Variants in DNM1L observed in about 807,000 individuals in gnomAD.
DNM1L encodes the protein dynamin 1L, also known as dynamin-1-like protein.
In DNM1L, 33 loss-of-function variants were observed where a neutral mutation model predicts 92.8. The observed-to-expected ratio is 0.36, with a 90% CI of 0.27 to 0.48. The LOEUF (loss-of-function observed/expected upper bound fraction) is 0.48, where lower values mean the gene tolerates loss of function less well. DNM1L is among the 20% of genes least tolerant of loss of function. The pLI, the probability that DNM1L is intolerant of heterozygous loss-of-function variation, is 0.99. For synonymous variants in DNM1L, 284 were observed against 305.0 expected (o/e 0.93, Z 0.72); for missense variants, 485 against 888.8 (o/e 0.55, Z 5.78).
At chr12:32,728,026 T>C (rs939291117) in intron 9 of DNM1L, 1 of 152,338 alleles carries the variant, frequency 6.6e-6, no homozygotes, top group Non-Finnish European at 1.5e-5. Flanking sequence ...GAACACCTTT[T>C]TATTTTGAAA....
At position 32,737,380 on chromosome 12, in the gene DNM1L, A is replaced by G. The variant is rs561646451; in HGVS notation, c.1596+219A>G. 3.5e-3 allele frequency: 1,831 copies of G among 523,660 alleles called. 26 individuals carry two copies. The African/African-American group carries it at 0.035, about 10-fold the overall frequency. 32.4% of individuals were successfully genotyped at this position (523,660 alleles called of 1,614,324 possible). Reference sequence around the variant, plus strand: ...GACATAAATGCTTAAAAGTAGATTTAAGCATTTATTTAAGCATTTAAGCAT... The same window carrying G: ...GACATAAATGCTTAAAAGTAGATTTGAGCATTTATTTAAGCATTTAAGCAT... On this transcript the variant is annotated intron_variant, in intron 14 of 19. Coordinates refer to ENST00000549701, the MANE Select transcript of DNM1L (RefSeq NM_012062.5).
chr12:32,705,694 A>C (rs1280262512), intron 2 of DNM1L: 1 of 826,806 alleles, frequency 1.2e-6, no homozygotes, highest in East Asian at 2.5e-5. Context: ...TTCGTCAGTA[A>C]ATTTTGAATA....
intron 13 of DNM1L, among the ~76,000 whole-genome samples, chr12:32,735,427 G>T (rs1214158383): frequency 6.6e-6 from 1 of 152,016 alleles, no homozygotes; most frequent in South Asian, 2.1e-4. Flanking sequence ...CTTTTGCTTT[G>T]TATCCCTGTT....
chr12:32,730,592 A>G (rs1160487624), intron 9 of DNM1L, among the ~76,000 whole-genome samples: 6 of 151,610 alleles, frequency 4.0e-5, no homozygotes, highest in Non-Finnish European at 7.4e-5. Flanking sequence ...TAGTTGCAGC[A>G]GAGACTGTAT....
At chr12:32,723,616 C>T (rs1367178414) in intron 9 of DNM1L, among the ~76,000 whole-genome samples, 1 of 151,160 alleles carries the variant, frequency 6.6e-6, no homozygotes, top group Non-Finnish European at 1.5e-5. Flanking sequence ...ATTGCTTGAA[C>T]CCGTGAGGCG....
intron 9 of DNM1L, chr12:32,725,501 CAG>C (rs974851477): frequency 2.6e-5 from 4 of 152,202 alleles, no homozygotes; most frequent in African/African-American, 9.6e-5. Context: ...GGTTACTTTA[CAG>C]TTAACTATGT....
At chr12:32,726,419 C>A (rs527741930) in intron 9 of DNM1L, 1 of 1,520,026 alleles carries the variant, frequency 6.6e-7, no homozygotes, top group African/African-American at 1.4e-5. Flanking sequence ...GATCCTTCTT[C>A]GGGTCATAGT....
At chr12:32,737,831 G>T (rs376541098) in intron 14 of DNM1L, 34 bp from the exon 15 acceptor site, 2 of 1,581,480 alleles carry the variant, frequency 1.3e-6, no homozygotes, top group African/African-American at 2.7e-5. Flanking sequence ...TTGCATCCTT[G>T]ATTTTTTTTC....
intron 16 of DNM1L, 97 bp from the exon 17 acceptor site, chr12:32,739,967 A>C (rs1162077261): frequency 2.0e-6 from 3 of 1,480,600 alleles, no homozygotes; most frequent in Non-Finnish European, 2.8e-6. Context: ...TCAGATGGGT[A>C]CTGGATGTAT....
At chr12:32,734,367 A>T (rs1954739264) in intron 13 of DNM1L, among the ~76,000 whole-genome samples, 1 of 152,044 alleles carries the variant, frequency 6.6e-6, no homozygotes, top group Admixed American at 6.6e-5. Context: ...AAAATAGTAC[A>T]TTTTTCTGCT....
chr12:32,695,313 C>T (rs575162533), intron 1 of DNM1L, among the ~76,000 whole-genome samples: 2 of 152,028 alleles, frequency 1.3e-5, no homozygotes, highest in African/African-American at 4.8e-5. Flanking sequence ...ACCCCTTAGA[C>T]AAGGAAATGA....
At chr12:32,726,646 G>A in intron 9 of DNM1L, 1 of 792,214 alleles carries the variant, frequency 1.3e-6, no homozygotes, top group South Asian at 1.7e-5. Context: ...ACTTCAGGAG[G>A]GGCAAGAAAA....
In DNM1L at chr12:32,684,047, A is replaced by G. The variant is rs1030627683; in HGVS notation, c.102+4582A>G. Among the ~76,000 whole-genome samples the G allele has an allele frequency of 2.0e-5, 3 of 152,234 alleles. No individual in the cohort carries two copies. In the East Asian group the frequency reaches 5.8e-4, roughly 29 times the overall value. On this transcript the variant is annotated intron_variant, in intron 1 of 19. Coordinates refer to ENST00000549701, the MANE Select transcript of DNM1L (RefSeq NM_012062.5). ...TAACATTAAAAATACTGAAATATTCATGTAACACAAAATTCACCCTTATAA... is the reference window on the plus strand; with the variant it reads ...TAACATTAAAAATACTGAAATATTCGTGTAACACAAAATTCACCCTTATAA...
At chr12:32,694,605 A>G (rs1423389569) in intron 1 of DNM1L, among the ~76,000 whole-genome samples, 2 of 152,256 alleles carry the variant, frequency 1.3e-5, no homozygotes, top group African/African-American at 4.8e-5. Context: ...GATCCTGGGA[A>G]GATGACAGCA....
At chr12:32,707,536 A>G in intron 3 of DNM1L, 123 bp downstream of exon 3, 3 of 656,032 alleles carry the variant, frequency 4.6e-6, no homozygotes, top group Non-Finnish European at 7.2e-6. Context: ...ACTATTCCTT[A>G]TAAAATAAAT....
intron 17 of DNM1L, 67 bp from the exon 18 acceptor site, chr12:32,740,342 T>G: frequency 6.2e-7 from 1 of 1,609,874 alleles, no homozygotes; most frequent in Non-Finnish European, 8.5e-7. Flanking sequence ...TTACATAACT[T>G]TCAGATGTTA....
rs772764052 is a variant in DNM1L, at chr12:32,744,946, T to TA, written c.*1537dup. ...GACAACACATTTATATTGCAGATAT[T>TA]ACTTTTTTTTCAGTTTATGACCAGG... On this transcript the variant is annotated 3_prime_UTR_variant, in exon 20 of 20. Coordinates refer to ENST00000549701, the MANE Select transcript of DNM1L (RefSeq NM_012062.5). 2 of 518,742 alleles carry TA rather than the reference T, an allele frequency of 3.9e-6. No individual in the cohort carries two copies. Among genetic ancestry groups the TA allele is most frequent in the African/African-American group, 3.8e-5 (2 of 52,074 alleles). 32.1% of individuals were successfully genotyped at this position (518,742 alleles called of 1,614,324 possible).
chr12:32,738,304 T>A lies in DNM1L; in HGVS notation c.1707+8T>A, dbSNP rs772049037. On this transcript the variant is annotated splice_region_variant and intron_variant, in intron 16 of 19. Transcript: ENST00000549701. The stretch of plus-strand genomic sequence containing the variant: ...AGAAGAGAAACTAAAAATGTGAGTC[T>A]CTTGCTTCAGAATGGAAATGTTGGT... 39 of 1,613,466 alleles carry A rather than the reference T, an allele frequency of 2.4e-5. No homozygotes were observed. The highest frequency in any genetic ancestry group is 3.3e-5 in the Non-Finnish European group (39 of 1,179,700).
At chr12:32,684,964 G>A (rs1951947233) in intron 1 of DNM1L, among the ~76,000 whole-genome samples, 1 of 145,888 alleles carries the variant, frequency 6.9e-6, no homozygotes, top group Admixed American at 6.9e-5. Flanking sequence ...TTTTGAGATG[G>A]AGTCTCGCTC....
Sources: allele counts gnomAD v4.1 joint callset (sites outside exome capture counted in the v4.1 genomes callset), GRCh38; gene constraint gnomAD v4.1.1; transcripts MANE v1.5; gene names NCBI Gene and HGNC (gene_info 2026-07-23, HGNC 2026-07-21).